ALPK1: variants seen among roughly 807,000 people sequenced by gnomAD.
ALPK1 encodes alpha-protein kinase 1.
In ALPK1, 110 loss-of-function variants were observed where a neutral mutation model predicts 120.6. That is an observed-to-expected ratio of 0.91 (90% CI 0.78 to 1.07). The LOEUF (loss-of-function observed/expected upper bound fraction) is 1.07. Among genes scored for constraint, ALPK1 ranks in the 50% least tolerant of loss-of-function variants. ALPK1 has a pLI of 0.00. For missense variants in ALPK1, 1,498 were observed against 1,483.9 expected (o/e 1.01, Z -0.16); for synonymous variants, 582 against 560.3 (o/e 1.04, Z -0.55).
rs778018044 is a variant in ALPK1, at chr4:112,438,544, G to A, written c.3249G>A (p.Glu1083=). Residue 1083 remains glutamate (E), a synonymous_variant, in exon 13 of 16, where the codon GAG becomes GAA. Transcript: ENST00000650871. ...KGLWHHFTDV[E]RQMTAQHYVT... ...TCTGGCACCACTTCACTGATGTGGAGCGACAGATGACCGCACAGCACTATG... is the reference window on the plus strand; with the variant it reads ...TCTGGCACCACTTCACTGATGTGGAACGACAGATGACCGCACAGCACTATG... 9 of 1,613,854 alleles carry A rather than the reference G, an allele frequency of 5.6e-6. No homozygotes were observed. The highest frequency in any genetic ancestry group is 6.8e-6 in the Non-Finnish European group (8 of 1,179,826).
chr4:112,341,115 G>A (rs1729844984), intron 2 of ALPK1, among the ~76,000 whole-genome samples: 1 of 152,168 alleles, frequency 6.6e-6, no homozygotes, highest in African/African-American at 2.4e-5. Context: ...TGGTGTGTGT[G>A]TCTGTGTGCG....
intron 11 of ALPK1, 88 bp downstream of exon 11, chr4:112,432,669 C>A: frequency 1.5e-6 from 2 of 1,291,072 alleles, no homozygotes; most frequent in Non-Finnish European, 2.1e-6. Flanking sequence ...TCACTTAAAG[C>A]TCATGAAAGG....
chr4:112,369,506 T>G (rs548886981), intron 2 of ALPK1, among the ~76,000 whole-genome samples: 5 of 152,152 alleles, frequency 3.3e-5, no homozygotes, highest in African/African-American at 1.2e-4. Context: ...ATATGAGAAA[T>G]GAGTGTAGAT....
At position 112,298,130 on chromosome 4, in the gene ALPK1, C is replaced by T. The variant is rs555767409; in HGVS notation, c.-153+661C>T. ...TAGTACTTTAGAGTACTTTGAAAAG[C>T]CACAAATTAAAACCTTTAAGATGGT... is the stretch of plus-strand genomic sequence containing the variant. On this transcript the variant is annotated intron_variant, in intron 1 of 15. Transcript: ENST00000650871. Among the ~76,000 whole-genome samples, 17 of 152,152 alleles carry T rather than the reference C, an allele frequency of 1.1e-4. No individual in the cohort carries two copies. The South Asian group carries it at 2.9e-3, about 26-fold the overall frequency.
At chr4:112,308,751 C>A (rs146480894) in intron 1 of ALPK1, among the ~76,000 whole-genome samples, 158 of 152,236 alleles carry the variant, frequency 1.0e-3, no homozygotes, top group Non-Finnish European at 1.9e-3. Flanking sequence ...CTGAACTCGT[C>A]AAAGTCATTG....
At chr4:112,358,259 C>T in intron 2 of ALPK1, 1 of 588,162 alleles carries the variant, frequency 1.7e-6, no homozygotes, top group Admixed American at 2.1e-5. Flanking sequence ...CAGAGCCCAG[C>T]TGCCCTCCTG....
At chr4:112,306,253 G>A (rs1193286401) in intron 1 of ALPK1, among the ~76,000 whole-genome samples, 1 of 152,058 alleles carries the variant, frequency 6.6e-6, no homozygotes, top group Non-Finnish European at 1.5e-5. Flanking sequence ...TCAGGATGAT[G>A]CTGGCCTCAT....
At position 112,393,426 on chromosome 4, in the gene ALPK1, T is replaced by A. The variant is rs528164243; in HGVS notation, c.276+10874T>A. Reference sequence around the variant, plus strand: ...TAACAAAACAAAAACAAGACAACCATGTAGATCTTACAGAAGTACCTAATA... The same window carrying A: ...TAACAAAACAAAAACAAGACAACCAAGTAGATCTTACAGAAGTACCTAATA... On this transcript the variant is annotated intron_variant, in intron 4 of 15. Coordinates refer to ENST00000650871, the MANE Select transcript of ALPK1 (RefSeq NM_025144.4). Among the ~76,000 whole-genome samples the A allele has an allele frequency of 2.6e-5, 4 of 152,292 alleles. No individual in the cohort carries two copies. In the South Asian group the frequency reaches 6.2e-4, roughly 24 times the overall value.
intron 2 of ALPK1, among the ~76,000 whole-genome samples, chr4:112,328,909 C>T (rs1053839836): frequency 1.3e-5 from 2 of 152,152 alleles, no homozygotes; most frequent in African/African-American, 2.4e-5. Context: ...GGGTCATTAT[C>T]CCCAGAGAGC....
At position 112,439,374 on chromosome 4, in the gene ALPK1, C is replaced by G. The variant is rs193275804; in HGVS notation, c.3352-312C>G. On this transcript the variant is annotated intron_variant, in intron 13 of 15. Coordinates refer to ENST00000650871, the MANE Select transcript of ALPK1 (RefSeq NM_025144.4). The stretch of plus-strand genomic sequence containing the variant: ...CCCTGAGCATGATCTAACTTCATGT[C>G]CTGGTAACCTAGCCTCCAGGACAGG... Among the ~76,000 whole-genome samples, 175 of 152,266 alleles carry G rather than the reference C, an allele frequency of 1.1e-3. 3 individuals are homozygous for G. The highest frequency in any genetic ancestry group is 8.9e-3 in the East Asian group (46 of 5,184).
At chr4:112,312,505 C>G (rs1364715151) in intron 1 of ALPK1, among the ~76,000 whole-genome samples, 4 of 152,210 alleles carry the variant, frequency 2.6e-5, no homozygotes, top group East Asian at 3.9e-4. Flanking sequence ...ATCTCCTAAC[C>G]TCTTCATCCG....
rs1381128123 is a variant in ALPK1 at position 112,383,928 on chromosome 4, A to G, written c.276+1376A>G. The G allele has an allele frequency of 2.6e-5, 4 of 152,238 alleles. 1 individual carries two copies. Among genetic ancestry groups the G allele is most frequent in the Non-Finnish European group, 5.9e-5 (4 of 68,038 alleles). The allele number at this position is 152,238 out of a possible 1,614,324, so 9.4% of individuals were successfully genotyped here. A position where few individuals can be genotyped will look rare whatever the true frequency, so the allele number is the denominator to read the frequency against. On this transcript the variant is annotated intron_variant, in intron 4 of 15. Transcript: ENST00000650871. Reference sequence around the variant, plus strand: ...GTACAGTTGGGCAAAATCATCTAATATAATGCCTATTTTGTAATAAGGTAT... The same window carrying G: ...GTACAGTTGGGCAAAATCATCTAATGTAATGCCTATTTTGTAATAAGGTAT...
intron 6 of ALPK1, among the ~76,000 whole-genome samples, chr4:112,424,714 C>T (rs973856868): frequency 1.3e-5 from 2 of 152,264 alleles, no homozygotes; most frequent in East Asian, 3.9e-4. Flanking sequence ...ACCACACACC[C>T]CTCACTTGTG....
At chr4:112,342,109 G>A (rs958050304) in intron 2 of ALPK1, among the ~76,000 whole-genome samples, 3 of 152,140 alleles carry the variant, frequency 2.0e-5, no homozygotes, top group Non-Finnish European at 4.4e-5. Context: ...GTGTGAAAAT[G>A]TACTTTAAAA....
intron 11 of ALPK1, among the ~76,000 whole-genome samples, chr4:112,434,569 G>C (rs1290718804): frequency 6.6e-6 from 1 of 152,228 alleles, no homozygotes; most frequent in Non-Finnish European, 1.5e-5. Flanking sequence ...ATAAGGTGGA[G>C]ACTGCCCCTA....
At chr4:112,343,157 T>C (rs1729939384) in intron 2 of ALPK1, 2 of 152,262 alleles carry the variant, frequency 1.3e-5, no homozygotes, top group Non-Finnish European at 2.9e-5. Context: ...ACACAGGGAC[T>C]GACGTGCTGA....
intron 5 of ALPK1, chr4:112,414,564 C>T: frequency 4.3e-6 from 1 of 230,760 alleles, no homozygotes; most frequent in Non-Finnish European, 9.4e-6. Context: ...GGTGAGATCA[C>T]ACCATTGTAC....
chr4:112,432,051 G>C lies in ALPK1; in HGVS notation c.2504G>C (p.Ser835Thr), dbSNP rs756309645. 1.9e-6 allele frequency: 3 copies of C among 1,614,026 alleles called. No individual in the cohort carries two copies. The highest frequency in any genetic ancestry group is 2.5e-6 in the Non-Finnish European group (3 of 1,179,948). Residue 835 changes from serine to threonine, a missense_variant, in exon 11 of 16, where the codon AGT becomes ACT. Physicochemically the swap from Ser to Thr is moderately conservative, Grantham distance 58. Coordinates refer to ENST00000650871, the MANE Select transcript of ALPK1 (RefSeq NM_025144.4). ...WPVQNPDSRK[S>T]GGPVAEQGID... ...GTTCAAAATCCTGACTCCAGAAAAA[G>C]TGGTGGCCCAGTCGCAGAGCAGGGC...
At chr4:112,306,303 G>A (rs1334108148) in intron 1 of ALPK1, among the ~76,000 whole-genome samples, 1 of 152,000 alleles carries the variant, frequency 6.6e-6, no homozygotes, top group Non-Finnish European at 1.5e-5. Flanking sequence ...TCTATTGATT[G>A]GAATAGTTTC....
Sources: gnomAD v4.1 joint callset for allele counts (sites outside exome capture counted in the v4.1 genomes callset) on GRCh38, gnomAD v4.1.1 for gene constraint, MANE v1.5 for transcripts, NCBI Gene and HGNC (gene_info 2026-07-23, HGNC 2026-07-21) for gene names.